The following TMEM132E variants were observed in gnomAD, a reference collection of about 807,000 sequenced individuals.
The protein encoded by TMEM132E is transmembrane protein 132E.
TMEM132E carries 49 observed loss-of-function variants against 78.5 expected under a neutral mutation model. That is an observed-to-expected ratio of 0.62 (90% CI 0.50 to 0.79). The LOEUF is 0.79. Ranked by LOEUF, TMEM132E falls within the 30% of genes least tolerant of loss-of-function variation. The pLI is 0.00. For synonymous variants in TMEM132E, 715 were observed against 670.6 expected, an observed-to-expected ratio of 1.07 and a Z score of -1.02; for missense variants, 1,403 against 1,470.9, an observed-to-expected ratio of 0.95 and a Z score of 0.75.
intron 1 of TMEM132E, among the ~76,000 whole-genome samples, chr17:34,601,906 T>C (rs1415290860): frequency 6.6e-6 from 1 of 152,180 alleles, no homozygotes. Context: ...ACTCCACAGA[T>C]GAGCAATTAG....
At chr17:34,606,910 T>C (rs1487046407) in intron 1 of TMEM132E, among the ~76,000 whole-genome samples, 4 of 152,212 alleles carry the variant, frequency 2.6e-5, no homozygotes, top group Non-Finnish European at 4.4e-5. Flanking sequence ...GCCTCCTTCC[T>C]TTCCTCCTCC....
At chr17:34,623,241 C>T (rs980252396) in intron 1 of TMEM132E, among the ~76,000 whole-genome samples, 5 of 152,142 alleles carry the variant, frequency 3.3e-5, no homozygotes, top group African/African-American at 7.2e-5. Flanking sequence ...CCTCTGAGTC[C>T]GGTGCCCATC....
intron 4 of TMEM132E, 44 bp downstream of exon 4, chr17:34,629,248 C>G (rs1907265705): frequency 1.3e-6 from 2 of 1,587,838 alleles, no homozygotes; most frequent in Non-Finnish European, 1.7e-6. Context: ...TGGGTCTATG[C>G]ATGTGTGCAC....
chr17:34,589,168 G>A (rs747905030), intron 1 of TMEM132E, among the ~76,000 whole-genome samples: 8 of 152,206 alleles, frequency 5.3e-5, no homozygotes, highest in East Asian at 1.9e-4. Flanking sequence ...TGGCAAAGAC[G>A]TTAAGGAGGT....
chr17:34,613,211 A>ACACACACACACACACACACGCGCGCG, intron 1 of TMEM132E, among the ~76,000 whole-genome samples: 8 of 115,976 alleles, frequency 6.9e-5, no homozygotes, highest in South Asian at 3.4e-4. Context: ...ACACACACAC[A>ACACACACACACACACACACGCGCGCG]CGCGCGCGCG....
chr17:34,637,841 G>A lies in TMEM132E; in HGVS notation c.2834G>A (p.Arg945Gln). ...WVFLGNGQPL[R>Q]VQGELSPPAG... Reference sequence around the variant, plus strand: ...TTCCTGGGCAACGGGCAGCCGCTGCGGGTGCAAGGAGAGCTGTCGCCGCCA... The same window carrying A: ...TTCCTGGGCAACGGGCAGCCGCTGCAGGTGCAAGGAGAGCTGTCGCCGCCA... The change falls in exon 9 of 9, where the codon CGG becomes CAG. Residue 945 changes from arginine (R) to glutamine (Q), a missense_variant. This residue lies in a region of TMEM132E where 888 missense variants were observed against 952.8 expected (regional missense o/e 0.93). Transcript: ENST00000631683. The A allele has an allele frequency of 1.2e-6, 2 of 1,610,358 alleles. No individual in the cohort carries two copies. Among genetic ancestry groups the A allele is most frequent in the Non-Finnish European group, 1.7e-6 (2 of 1,178,578 alleles).
At chr17:34,604,601 T>C (rs1468990600) in intron 1 of TMEM132E, among the ~76,000 whole-genome samples, 1 of 152,082 alleles carries the variant, frequency 6.6e-6, no homozygotes, top group African/African-American at 2.4e-5. Context: ...CCAACTCAGA[T>C]GACCATCTGC....
At chr17:34,604,372 G>A (rs943367518) in intron 1 of TMEM132E, among the ~76,000 whole-genome samples, 4 of 152,128 alleles carry the variant, frequency 2.6e-5, no homozygotes, top group East Asian at 3.9e-4. Context: ...TCCGCCAAGA[G>A]AGCCCTTCCC....
At chr17:34,581,233 C>A in intron 1 of TMEM132E, 90 bp downstream of exon 1, 2 of 1,180,400 alleles carry the variant, frequency 1.7e-6, no homozygotes, top group South Asian at 1.9e-5. Context: ...GCACCCACAC[C>A]CCCTGGACTC....
chr17:34,637,087 G>A lies in TMEM132E; in HGVS notation c.2170-90G>A, dbSNP rs1907545771. 3.5e-6 allele frequency: 4 copies of A among 1,155,910 alleles called. No individual in the cohort carries two copies. In the South Asian group the frequency reaches 5.9e-5, roughly 17 times the overall value. 71.6% of individuals were successfully genotyped at this position (1,155,910 alleles called of 1,614,324 possible). A position where few individuals can be genotyped will look rare whatever the true frequency, so the allele number is the denominator to read the frequency against. The stretch of plus-strand genomic sequence containing the variant: ...ATACAGCAGGGAGCCAGAGACCCGT[G>A]GTCCCTGCCCCTACAGAGCCCAGGA... On this transcript the variant is annotated intron_variant, in intron 8 of 8. Coordinates refer to ENST00000631683, the MANE Select transcript of TMEM132E (RefSeq NM_001304438.2).
chr17:34,638,412 A>G lies in TMEM132E; in HGVS notation c.*180A>G, dbSNP rs2063912394. 2 of 641,078 alleles carry G rather than the reference A, an allele frequency of 3.1e-6. No individual in the cohort carries two copies. Among genetic ancestry groups the G allele is most frequent in the South Asian group, 4.4e-5 (2 of 45,100 alleles). 39.7% of individuals were successfully genotyped at this position (641,078 alleles called of 1,614,324 possible). A position where few individuals can be genotyped will look rare whatever the true frequency, so the allele number is the denominator to read the frequency against. On this transcript the variant is annotated 3_prime_UTR_variant, in exon 9 of 9. Transcript: ENST00000631683. ...CAGTGTCTGGGCCTTCCCTCGCCTC[A>G]CGCCATTACCCTCTTCTGCCCCCTG...
intron 6 of TMEM132E, 46 bp from the exon 7 acceptor site, chr17:34,634,753 C>G: frequency 6.4e-7 from 1 of 1,561,640 alleles, no homozygotes; most frequent in Non-Finnish European, 8.7e-7. Flanking sequence ...CTGTGCAGGT[C>G]AGAGTCCAGG....
intron 4 of TMEM132E, among the ~76,000 whole-genome samples, chr17:34,629,442 G>T (rs1053125936): frequency 6.6e-6 from 1 of 152,156 alleles, no homozygotes; most frequent in Non-Finnish European, 1.5e-5. Context: ...CACCATGGAG[G>T]GACCACTGAT....
intron 1 of TMEM132E, among the ~76,000 whole-genome samples, chr17:34,594,456 G>A (rs1007155790): frequency 4.6e-5 from 7 of 152,178 alleles, no homozygotes; most frequent in East Asian, 3.8e-4. Flanking sequence ...CCGTTTCCAC[G>A]TTTATAAAAT....
chr17:34,626,827 G>C lies in TMEM132E; in HGVS notation c.768G>C (p.Val256=). The C allele has an allele frequency of 6.4e-7, 1 of 1,552,960 alleles. No individual in the cohort carries two copies. The highest frequency in any genetic ancestry group is 8.7e-7 in the Non-Finnish European group (1 of 1,155,288). ...CCCGCCGGGGGGCCGGGCCCGGGGT[G>C]GGGGCCCGAGCGGAAAGCCCTACCC... ...GGSRRGAGPG[V]GARAESPTQH... is the part of the protein sequence containing the mutation. The change falls in exon 2 of 9, where the codon GTG becomes GTC. Residue 256 remains valine, a synonymous_variant. Transcript: ENST00000631683.
intron 1 of TMEM132E, among the ~76,000 whole-genome samples, chr17:34,617,042 G>A (rs549223679): frequency 6.6e-6 from 1 of 152,336 alleles, no homozygotes; most frequent in South Asian, 2.1e-4. Flanking sequence ...CTGCCCTGGT[G>A]CTTAGGGAAG....
chr17:34,582,602 G>T (rs1158168960), intron 1 of TMEM132E, among the ~76,000 whole-genome samples: 1 of 152,098 alleles, frequency 6.6e-6, no homozygotes. Flanking sequence ...GCCAGCAGGG[G>T]GGCGAGGGTG....
chr17:34,632,959 C>T, intron 6 of TMEM132E, 50 bp downstream of exon 6: 1 of 1,598,206 alleles, frequency 6.3e-7, no homozygotes, highest in African/African-American at 1.3e-5. Context: ...TGGGTGGATA[C>T]AGCCTCGGCC....
chr17:34,630,492 G>A (rs1021065536), intron 5 of TMEM132E, among the ~76,000 whole-genome samples: 3 of 152,150 alleles, frequency 2.0e-5, no homozygotes, highest in Admixed American at 6.5e-5. Context: ...GGCCAGAGGG[G>A]GAGAAAGCAG....
Sources: gnomAD v4.1 joint callset for allele counts (sites outside exome capture counted in the v4.1 genomes callset) on GRCh38, gnomAD v4.1.1 for gene constraint, gnomAD v4.1.1 regional missense constraint, MANE v1.5 for transcripts, NCBI Gene and HGNC (gene_info 2026-07-23, HGNC 2026-07-21) for gene names.